Variants in LY9 observed in about 807,000 individuals in gnomAD.
LY9 encodes lymphocyte antigen 9.
Under a neutral mutation model 64.6 loss-of-function variants are expected in LY9, and 59 were observed. That is an observed-to-expected ratio of 0.91 (90% CI 0.74 to 1.13). LY9 has a LOEUF of 1.13. LY9 is among the 50% of genes most tolerant of loss of function. The pLI, the probability that LY9 is intolerant of heterozygous loss-of-function variation, is 0.00. For synonymous variants in LY9, 281 were observed against 308.5 expected, an observed-to-expected ratio of 0.91 and a Z score of 0.93; for missense variants, 789 against 797.2, an observed-to-expected ratio of 0.99 and a Z score of 0.12.
Position 160,813,927 on chromosome 1 carries a change from T to G in LY9, c.730+16T>G. The stretch of plus-strand genomic sequence containing the variant: ...TTCTGTACAGGTAACTGGCTCCAAC[T>G]TGGCCCTTGAGGGAATTCCAGAAAC... On this transcript the variant is annotated intron_variant, in intron 3 of 9. Coordinates refer to ENST00000263285, the MANE Select transcript of LY9 (RefSeq NM_002348.4). 3.7e-6 allele frequency: 6 copies of G among 1,605,896 alleles called. No homozygotes were observed. The highest frequency in any genetic ancestry group is 5.1e-6 in the Non-Finnish European group (6 of 1,175,850).
At chr1:160,803,237 A>G (rs537137463) in intron 2 of LY9, among the ~76,000 whole-genome samples, 1 of 152,278 alleles carries the variant, frequency 6.6e-6, no homozygotes, top group South Asian at 2.1e-4. Context: ...AGCCAAGATC[A>G]CGCCACTGAA....
chr1:160,810,932 G>C (rs1379012528), intron 2 of LY9: 1 of 152,202 alleles, frequency 6.6e-6, no homozygotes, highest in African/African-American at 2.4e-5. Context: ...TTGGGAAGAA[G>C]AAAAAAGTCA....
At chr1:160,822,219 TCCTCTATAGAGGAAGGGGTCTCAGAGG>T (rs1250864641) in intron 7 of LY9, among the ~76,000 whole-genome samples, 1 of 151,718 alleles carries the variant, frequency 6.6e-6, no homozygotes, top group African/African-American at 2.4e-5. Flanking sequence ...AGAAACAGCT[TCCTCTATAGAGGAAGGGGTCTCAGAGG>T]GGTGGGGACC....
rs1459689303 is a variant in LY9 at position 160,824,212 on chromosome 1, G to A, written c.1862G>A (p.Ser621Asn). 6.2e-6 allele frequency: 10 copies of A among 1,614,164 alleles called. No individual in the cohort carries two copies. The highest frequency in any genetic ancestry group is 2.2e-5 in the East Asian group (1 of 44,878). ...GKTPVSQKEE[S>N]SATIYCSIRK... The stretch of plus-strand genomic sequence containing the variant: ...ACCCCAGTTTCTCAGAAGGAAGAGA[G>A]CTCAGCCACAATCTACTGCTCCATA... The change falls in exon 9 of 10, where the codon AGC becomes AAC. Residue 621 changes from serine to asparagine, a missense_variant. Coordinates refer to ENST00000263285, the MANE Select transcript of LY9 (RefSeq NM_002348.4).
rs35923801 is a variant in LY9 at position 160,813,767 on chromosome 1, C to A, written c.586C>A (p.Pro196Thr). 24,351 of 1,614,140 alleles carry A rather than the reference C, an allele frequency of 0.015. 230 individuals carry two copies. Among genetic ancestry groups the A allele is most frequent in the Non-Finnish European group, 0.018 (21,643 of 1,180,020 alleles). Residue 196 changes from proline to threonine, a missense_variant, in exon 3 of 10, where the codon CCC (proline) becomes ACC (threonine). By Grantham distance (38) the Pro-to-Thr change is conservative. Transcript: ENST00000263285. The stretch of plus-strand genomic sequence containing the variant: ...TCTGTACAGCTGGACCCCAAGGGAA[C>A]CCCATGCTTCTGAGTCCAATGGAGG... ...SVLYSWTPREPHASESNGGSI... is the reference protein window; with the variant it reads ...SVLYSWTPRETHASESNGGSI...
chr1:160,812,869 T>A (rs1234036834), intron 2 of LY9: 8 of 150,312 alleles, frequency 5.3e-5, no homozygotes, highest in African/African-American at 2.0e-4. Flanking sequence ...ACAGATCACC[T>A]GAGGTCAGGA....
rs1366254404 is a variant in LY9 at position 160,804,019 on chromosome 1, A to T, written c.454+3937A>T. On this transcript the variant is annotated intron_variant, in intron 2 of 9. Coordinates refer to ENST00000263285, the MANE Select transcript of LY9 (RefSeq NM_002348.4). ...AATGAGACCCTGTCTCAAAAAAAAAATTACATCATCAGCAAAGAGGAACAA... is the reference window on the plus strand; with the variant it reads ...AATGAGACCCTGTCTCAAAAAAAAATTTACATCATCAGCAAAGAGGAACAA... Among the ~76,000 whole-genome samples, 6 of 152,324 alleles carry T rather than the reference A, an allele frequency of 3.9e-5. No homozygotes were observed. The East Asian group carries it at 1.2e-3, about 29-fold the overall frequency.
chr1:160,816,715 G>T lies in LY9; in HGVS notation c.1194G>T (p.Pro398=), dbSNP rs747937837. Residue 398 remains proline, a synonymous_variant, in exon 5 of 10, where the codon CCG becomes CCT. Transcript: ENST00000263285. ...ACACTGTCATGTACACATGGACCCC[G>T]CTGCAGAAGGAAGCTGTTGTGTCCC... The part of the protein sequence containing the change: ...GGNTVMYTWT[P]LQKEAVVSQG... 3 of 1,614,062 alleles carry T rather than the reference G, an allele frequency of 1.9e-6. No individual in the cohort carries two copies. In the African/African-American group the frequency reaches 4.0e-5, roughly 22 times the overall value.
At chr1:160,803,384 A>G (rs1666692205) in intron 2 of LY9, among the ~76,000 whole-genome samples, 1 of 152,210 alleles carries the variant, frequency 6.6e-6, no homozygotes, top group South Asian at 2.1e-4. Flanking sequence ...TTCTTTGGGC[A>G]ATATGGTCAT....
rs781642401 is a variant in LY9, at chr1:160,813,697, TA to T, written c.518del (p.Asn173ThrfsTer4). ...SVKVSENFSC[N>X]ITLMCSVKGA... The stretch of plus-strand genomic sequence containing the variant: ...TGAAGGTGTCTGAGAACTTCTCCTG[TA>T]ACATCACTCTAATGTGCTCCGTGAA... On this transcript the variant is annotated frameshift_variant, in exon 3 of 10. Coordinates refer to ENST00000263285, the MANE Select transcript of LY9 (RefSeq NM_002348.4). LOFTEE classifies it high-confidence loss of function. 3 of 1,613,992 alleles carry T rather than the reference TA, an allele frequency of 1.9e-6. No individual in the cohort carries two copies. The highest frequency in any genetic ancestry group is 1.7e-6 in the Non-Finnish European group (2 of 1,179,986).
chr1:160,827,154 A>G (rs1310007297), intron 9 of LY9, among the ~76,000 whole-genome samples: 2 of 152,220 alleles, frequency 1.3e-5, no homozygotes, highest in African/African-American at 4.8e-5. Context: ...GGAAATTCTC[A>G]AACCTACTTT....
intron 6 of LY9, 27 bp downstream of exon 6, chr1:160,818,346 G>A (rs372845687): frequency 7.1e-6 from 11 of 1,541,706 alleles, no homozygotes; most frequent in East Asian, 4.5e-5. Flanking sequence ...AATGTTGTCC[G>A]CCAGTGCTAG....
At chr1:160,811,258 T>C (rs1667451510) in intron 2 of LY9, 1 of 152,184 alleles carries the variant, frequency 6.6e-6, no homozygotes, top group Admixed American at 6.5e-5. Flanking sequence ...ACTTATTTCA[T>C]AAAATCCCAG....
At chr1:160,813,462 TG>T in intron 2 of LY9, 173 bp from the exon 3 acceptor site, 1 of 614,498 alleles carries the variant, frequency 1.6e-6, no homozygotes, top group Admixed American at 2.9e-5. Flanking sequence ...GCGGATGTTA[TG>T]GGAGTACAGA....
intron 1 of LY9, among the ~76,000 whole-genome samples, chr1:160,798,321 C>T (rs1167957439): frequency 6.6e-6 from 1 of 152,116 alleles, no homozygotes; most frequent in Non-Finnish European, 1.5e-5. Context: ...AGGATCTGGA[C>T]TCTGTGACTG....
intron 1 of LY9, among the ~76,000 whole-genome samples, chr1:160,796,770 C>T (rs979339971): frequency 6.6e-6 from 1 of 152,182 alleles, no homozygotes; most frequent in Non-Finnish European, 1.5e-5. Flanking sequence ...GGGTAACATT[C>T]TAGCCCCGGT....
intron 2 of LY9, among the ~76,000 whole-genome samples, chr1:160,806,205 A>G (rs1011003110): frequency 1.3e-5 from 2 of 152,038 alleles, no homozygotes; most frequent in African/African-American, 4.8e-5. Context: ...TTTTTCCTGT[A>G]TACTGTTAAT....
In LY9 at chr1:160,819,310, T is replaced by C; in HGVS notation, c.1445-11T>C. ...CCCTCTTGATAAACCTTCTCTAACT[T>C]TGTTTCTCAGGTTCAGTCCCAGCCT... On this transcript the variant is annotated splice_polypyrimidine_tract_variant and intron_variant, in intron 6 of 9. Transcript: ENST00000263285. 6.2e-7 allele frequency: 1 copy of C among 1,611,968 alleles called. No homozygotes were observed. The highest frequency in any genetic ancestry group is 8.5e-7 in the Non-Finnish European group (1 of 1,178,270).
At chr1:160,814,080 C>T (rs1230326553) in intron 3 of LY9, among the ~76,000 whole-genome samples, 169 bp downstream of exon 3, 1 of 152,184 alleles carries the variant, frequency 6.6e-6, no homozygotes, top group Non-Finnish European at 1.5e-5. Flanking sequence ...GCTGGCAGGA[C>T]TTGGGAAAGC....
Sources: gnomAD v4.1 joint callset for allele counts (sites outside exome capture counted in the v4.1 genomes callset) on GRCh38, gnomAD v4.1.1 for gene constraint, MANE v1.5 for transcripts, NCBI Gene and HGNC (gene_info 2026-07-23, HGNC 2026-07-21) for gene names.